Variants in TRDN observed in about 807,000 individuals in gnomAD.
The protein encoded by TRDN is triadin, also known as triadin in skeletal muscle.
Under a neutral mutation model 149.7 loss-of-function variants are expected in TRDN, and 161 were observed. That is an observed-to-expected ratio of 1.08 (90% CI 0.95 to 1.23). TRDN has a LOEUF of 1.23. Among genes scored for constraint, TRDN ranks in the 50% most tolerant of loss-of-function variants. TRDN has a pLI of 0.00. For synonymous variants in TRDN, 294 were observed against 250.5 expected, an observed-to-expected ratio of 1.17 and a Z score of -1.64; for missense variants, 896 against 823.5, an observed-to-expected ratio of 1.09 and a Z score of -1.08.
At position 123,512,318 on chromosome 6, in the gene TRDN, T is replaced by C. The variant is rs766090550; in HGVS notation, c.595A>G (p.Lys199Glu). 6.7e-7 allele frequency: 1 copy of C among 1,500,184 alleles called. No homozygotes were observed. The highest frequency in any genetic ancestry group is 9.2e-7 in the Non-Finnish European group (1 of 1,092,488). The allele number at this position is 1,500,184 out of a possible 1,614,324, so 92.9% of individuals were successfully genotyped here. A position where few individuals can be genotyped will look rare whatever the true frequency, so the allele number is the denominator to read the frequency against. The change falls in exon 7 of 41, where the codon AAG becomes GAG. Residue 199 changes from lysine to glutamate, a missense_variant. Coordinates refer to ENST00000334268, the MANE Select transcript of TRDN (RefSeq NM_006073.4). ...GAAAAGTTACCTTTCGCCAGTGTCT[T>C]TGTTTCTGGTTTTTCTTTTTTCTCA... is the stretch of plus-strand genomic sequence containing the variant. Reference protein sequence around the residue: ...KIEKKEKPETKTLAKEQKKAK... With the variant: ...KIEKKEKPETETLAKEQKKAK...
intron 1 of TRDN, among the ~76,000 whole-genome samples, chr6:123,621,619 A>G (rs1785387651): frequency 6.6e-6 from 1 of 152,172 alleles, no homozygotes; most frequent in Non-Finnish European, 1.5e-5. Flanking sequence ...ATACAACAAC[A>G]TAGATGACTC....
chr6:123,426,635 A>C (rs1222016468), intron 12 of TRDN, among the ~76,000 whole-genome samples: 1 of 152,134 alleles, frequency 6.6e-6, no homozygotes, highest in South Asian at 2.1e-4. Flanking sequence ...CCTCTACATC[A>C]GCATGGTATC....
At chr6:123,272,775 T>G (rs764272201) in intron 29 of TRDN, among the ~76,000 whole-genome samples, 189 bp downstream of exon 29, 1 of 151,918 alleles carries the variant, frequency 6.6e-6, no homozygotes, top group Non-Finnish European at 1.5e-5. Context: ...TCTAGTTACA[T>G]CTCACTGGTT....
intron 4 of TRDN, among the ~76,000 whole-genome samples, chr6:123,543,570 A>G (rs998996520): frequency 1.3e-5 from 2 of 152,282 alleles, no homozygotes; most frequent in East Asian, 1.9e-4. Flanking sequence ...ATTTTCTATT[A>G]CAATCATGCT....
chr6:123,448,424 G>T (rs984500498), intron 10 of TRDN, among the ~76,000 whole-genome samples: 3 of 152,094 alleles, frequency 2.0e-5, no homozygotes, highest in African/African-American at 4.8e-5. Context: ...CTGGCCCTTT[G>T]GTTAGCTTGG....
intron 24 of TRDN, among the ~76,000 whole-genome samples, chr6:123,313,163 A>G (rs4895812): frequency 0.68 from 102,774 of 151,760 alleles, 36,780 homozygotes; most frequent in East Asian, 0.82. Flanking sequence ...TATGCTAGCT[A>G]TTTTGTCTGT....
intron 24 of TRDN, among the ~76,000 whole-genome samples, chr6:123,285,611 C>G (rs2114640320): frequency 6.6e-6 from 1 of 152,150 alleles, no homozygotes; most frequent in Non-Finnish European, 1.5e-5. Context: ...AAAAACCCTT[C>G]TAGACATTGG....
chr6:123,563,556 G>A (rs1240023461), intron 2 of TRDN, among the ~76,000 whole-genome samples: 2 of 152,146 alleles, frequency 1.3e-5, no homozygotes, highest in South Asian at 2.1e-4. Flanking sequence ...ATGGTTTTTT[G>A]TAGGTTTATA....
intron 24 of TRDN, among the ~76,000 whole-genome samples, chr6:123,284,386 C>T (rs1777726317): frequency 1.3e-5 from 2 of 151,696 alleles, no homozygotes; most frequent in Admixed American, 1.3e-4. Flanking sequence ...ATATGATATA[C>T]CACATAAAGA....
chr6:123,444,256 C>CT (rs1464419924), intron 10 of TRDN, among the ~76,000 whole-genome samples: 3 of 133,710 alleles, frequency 2.2e-5, no homozygotes, highest in African/African-American at 9.3e-5. Flanking sequence ...AGTTGGATTC[C>CT]TAGGTATTTT....
chr6:123,343,849 G>T (rs1231223643), intron 21 of TRDN, among the ~76,000 whole-genome samples: 1 of 151,916 alleles, frequency 6.6e-6, no homozygotes, highest in Non-Finnish European at 1.5e-5. Flanking sequence ...CAGACTGAAC[G>T]TGTCCCTTCA....
chr6:123,339,736 A>T (rs1779999743), intron 21 of TRDN, among the ~76,000 whole-genome samples: 1 of 152,190 alleles, frequency 6.6e-6, no homozygotes, highest in South Asian at 2.1e-4. Flanking sequence ...TTTCTTAATA[A>T]TATGTGACTG....
intron 23 of TRDN, among the ~76,000 whole-genome samples, chr6:123,325,871 C>T (rs1779432796): frequency 6.6e-6 from 1 of 152,104 alleles, no homozygotes; most frequent in South Asian, 2.1e-4. Flanking sequence ...AACACATACT[C>T]CTTCAATAAA....
intron 9 of TRDN, 83 bp from the exon 10 acceptor site, chr6:123,465,066 C>T: frequency 7.2e-7 from 1 of 1,393,534 alleles, no homozygotes; most frequent in Non-Finnish European, 9.7e-7. Flanking sequence ...GATCTGTCCC[C>T]TACATGCATA....
intron 1 of TRDN, among the ~76,000 whole-genome samples, chr6:123,583,229 T>C (rs4509145): frequency 6.6e-6 from 1 of 152,026 alleles, no homozygotes; most frequent in African/African-American, 2.4e-5. Context: ...GTGTAAACAA[T>C]AGCAGGGCAT....
rs1168893708 is a variant in TRDN at position 123,316,363 on chromosome 6, T to C, written c.1510+94A>G. ...TTTTAATGTTTTGGATGTCTAAATA[T>C]TTTATCCAGCCAGGATTGTAAAACT... On this transcript the variant is annotated intron_variant, in intron 24 of 40. Transcript: ENST00000334268. The C allele has an allele frequency of 3.2e-6, 4 of 1,231,524 alleles. No individual in the cohort carries two copies. In the African/African-American group the frequency reaches 6.0e-5, roughly 19 times the overall value. 76.3% of individuals were successfully genotyped at this position (1,231,524 alleles called of 1,614,324 possible).
chr6:123,394,819 C>T (rs962810462), intron 12 of TRDN, among the ~76,000 whole-genome samples: 51 of 151,982 alleles, frequency 3.4e-4, no homozygotes, highest in African/African-American at 1.2e-3. Context: ...TATCTTTTGC[C>T]AAAACTGAAT....
intron 10 of TRDN, among the ~76,000 whole-genome samples, chr6:123,452,882 T>C (rs1290802804): frequency 1.3e-5 from 2 of 152,118 alleles, no homozygotes; most frequent in Non-Finnish European, 2.9e-5. Flanking sequence ...CAAAATATCA[T>C]GGTACTGTTA....
At chr6:123,278,408 C>A in intron 25 of TRDN, 61 bp from the exon 26 acceptor site, 1 of 1,005,544 alleles carries the variant, frequency 9.9e-7, no homozygotes, top group Non-Finnish European at 1.3e-6. Context: ...TTCCTATATA[C>A]TTGTGCATAT....
Sources: allele counts gnomAD v4.1 joint callset (sites outside exome capture counted in the v4.1 genomes callset), GRCh38; gene constraint gnomAD v4.1.1; transcripts MANE v1.5; gene names NCBI Gene and HGNC (gene_info 2026-07-23, HGNC 2026-07-21).